The following FRY variants were observed in gnomAD, a reference collection of about 807,000 sequenced individuals.
The protein encoded by FRY is FRY microtubule binding protein.
A neutral mutation model predicts 348.4 loss-of-function variants in FRY; 128 were observed. The ratio of observed to expected loss-of-function variants is 0.37; its 90% CI spans 0.32 to 0.43. FRY has a LOEUF of 0.43. FRY is among the 20% of genes least tolerant of loss of function. The pLI, the probability that FRY is intolerant of heterozygous loss-of-function variation, is 1.00. For missense variants in FRY, 2,736 were observed against 3,695.2 expected, an observed-to-expected ratio of 0.74 and a Z score of 6.73; for synonymous variants, 1,370 against 1,374.7, an observed-to-expected ratio of 1.00 and a Z score of 0.08.
intron 47 of FRY, 150 bp from the exon 48 acceptor site, chr13:32,247,173 C>T (rs532925599): frequency 1.7e-5 from 11 of 652,756 alleles, no homozygotes; most frequent in Non-Finnish European, 2.9e-5. Context: ...CTTTTTATGT[C>T]ATTTGCCTTT....
chr13:32,094,598 A>C (rs577488384), intron 2 of FRY, among the ~76,000 whole-genome samples: 3 of 152,268 alleles, frequency 2.0e-5, no homozygotes, highest in Non-Finnish European at 4.4e-5. Context: ...CCCACAAATA[A>C]GTGAGAACAT....
chr13:32,297,146 A>C lies in FRY; in HGVS notation c.*1686A>C, dbSNP rs2072075190. The C allele has an allele frequency of 6.6e-6, 1 of 152,232 alleles. No homozygotes were observed. The highest frequency in any genetic ancestry group is 1.5e-5 in the Non-Finnish European group (1 of 68,042). The allele number at this position is 152,232 out of a possible 1,614,324, so 9.4% of individuals were successfully genotyped here. A position where few individuals can be genotyped will look rare whatever the true frequency, so the allele number is the denominator to read the frequency against. ...GAATCATTGGCAGTAATATTCTAGG[A>C]GTATTCTATAGAAGAGAGCCTAACC... On this transcript the variant is annotated 3_prime_UTR_variant, in exon 61 of 61. Coordinates refer to ENST00000542859, the MANE Select transcript of FRY (RefSeq NM_023037.3).
At chr13:32,274,424 A>AG (rs1263605079) in intron 55 of FRY, among the ~76,000 whole-genome samples, 1 of 152,056 alleles carries the variant, frequency 6.6e-6, no homozygotes, top group Non-Finnish European at 1.5e-5. Flanking sequence ...TAAAAAAATC[A>AG]GGGCCAGACG....
At position 32,179,533 on chromosome 13, in the gene FRY, G is replaced by GTT. The variant is rs1206702870; in HGVS notation, c.2872-141_2872-140insTT. 5.7e-6 allele frequency: 4 copies of GTT among 698,636 alleles called. No individual in the cohort carries two copies. In the African/African-American group the frequency reaches 7.0e-5, roughly 12 times the overall value. The allele number at this position is 698,636 out of a possible 1,614,324, so 43.3% of individuals were successfully genotyped here. A position where few individuals can be genotyped will look rare whatever the true frequency, so the allele number is the denominator to read the frequency against. On this transcript the variant is annotated intron_variant, in intron 22 of 60. Coordinates refer to ENST00000542859, the MANE Select transcript of FRY (RefSeq NM_023037.3). ...TGTGTGTGTGTGTGTGTGTGTGTGTGTGTGTGTGTTTCCTGAAATGATGGC... is the reference window on the plus strand; with the variant it reads ...TGTGTGTGTGTGTGTGTGTGTGTGTGTTTGTGTGTGTTTCCTGAAATGATGGC...
chr13:32,236,724 G>T (rs751988598), intron 43 of FRY, among the ~76,000 whole-genome samples: 6 of 151,936 alleles, frequency 3.9e-5, no homozygotes, highest in Non-Finnish European at 7.4e-5. Flanking sequence ...CATCTTGCTT[G>T]AAATTGAGTC....
intron 21 of FRY, 69 bp downstream of exon 21, chr13:32,178,505 G>T: frequency 6.6e-7 from 1 of 1,514,990 alleles, no homozygotes; most frequent in Non-Finnish European, 9.1e-7. Flanking sequence ...TTCATTTTGT[G>T]TAAGAGATTG....
intron 1 of FRY, among the ~76,000 whole-genome samples, chr13:32,049,498 G>A (rs372023103): frequency 8.5e-4 from 130 of 152,224 alleles, no homozygotes; most frequent in African/African-American, 2.8e-3. Context: ...GCAGTGGCAC[G>A]ATCTCAGCTC....
chr13:32,183,812 G>C (rs935273465), intron 24 of FRY, among the ~76,000 whole-genome samples: 15 of 148,772 alleles, frequency 1.0e-4, no homozygotes, highest in Non-Finnish European at 2.2e-4. Flanking sequence ...AGAAAAGGAG[G>C]CTTCTCATAT....
chr13:32,159,807 C>CAATT (rs1266360121), intron 16 of FRY, among the ~76,000 whole-genome samples: 15 of 152,128 alleles, frequency 9.9e-5, no homozygotes, highest in African/African-American at 3.1e-4. Flanking sequence ...TACAAATGAA[C>CAATT]AATTAGAAGA....
intron 57 of FRY, among the ~76,000 whole-genome samples, chr13:32,278,167 A>G (rs1888630089): frequency 6.6e-6 from 1 of 152,200 alleles, no homozygotes; most frequent in Admixed American, 6.5e-5. Flanking sequence ...CTAGCCATAT[A>G]TATTCATTTA....
chr13:32,178,244 A>G lies in FRY; in HGVS notation c.2489A>G (p.Asn830Ser), dbSNP rs756101182. 1.2e-6 allele frequency: 2 copies of G among 1,614,090 alleles called. No individual in the cohort carries two copies. Among genetic ancestry groups the G allele is most frequent in the South Asian group, 1.1e-5 (1 of 91,086 alleles). ...GTGGAATGGAACGCAGTCCTGGTCA[A>G]TAGCCATTATGATGTGAAAAGCCCT... ...WLVEWNAVLVNSHYDVKSPSH... is the reference protein window; with the variant it reads ...WLVEWNAVLVSSHYDVKSPSH... Residue 830 changes from asparagine (N) to serine (S), a missense_variant, in exon 21 of 61, where the codon AAT (asparagine) becomes AGT (serine). Asn to Ser is a conservative substitution (Grantham distance 46). Transcript: ENST00000542859.
intron 43 of FRY, 68 bp downstream of exon 43, chr13:32,236,240 C>A: frequency 8.5e-7 from 1 of 1,174,970 alleles, no homozygotes; most frequent in Non-Finnish European, 1.3e-6. Flanking sequence ...AGATGCTGGA[C>A]TTTAGGAAAA....
In FRY at chr13:32,227,896, T is replaced by A. The variant is rs190039036; in HGVS notation, c.5207-560T>A. Among the ~76,000 whole-genome samples, 3 of 151,948 alleles carry A rather than the reference T, an allele frequency of 2.0e-5. No homozygotes were observed. In the South Asian group the frequency reaches 6.2e-4, roughly 32 times the overall value. On this transcript the variant is annotated intron_variant, in intron 39 of 60. Transcript: ENST00000542859. ...CCTCCCGAGTAGCTGGGACTACAGG[T>A]GCCGACCACCACGCTCGGCTAATTT... is the stretch of plus-strand genomic sequence containing the variant.
At chr13:32,273,292 G>A (rs1434148215) in intron 55 of FRY, among the ~76,000 whole-genome samples, 4 of 150,578 alleles carry the variant, frequency 2.7e-5, no homozygotes, top group African/African-American at 9.8e-5. Flanking sequence ...CGCAATCTCG[G>A]CTCACTGCAG....
intron 1 of FRY, chr13:32,061,181 T>A (rs759951572): frequency 3.8e-6 from 2 of 533,000 alleles, no homozygotes; most frequent in South Asian, 2.8e-5. Context: ...TGAAAGGCTG[T>A]TAATATGTGT....
intron 33 of FRY, 152 bp from the exon 34 acceptor site, chr13:32,210,714 T>A (rs534919536): frequency 8.6e-6 from 6 of 694,012 alleles, no homozygotes; most frequent in Non-Finnish European, 1.6e-5. Context: ...TTAATCCAAG[T>A]CCTTGGTCCA....
chr13:32,071,469 G>A (rs574573704), intron 1 of FRY, among the ~76,000 whole-genome samples: 20 of 152,202 alleles, frequency 1.3e-4, no homozygotes, highest in Non-Finnish European at 2.1e-4. Flanking sequence ...TATTCTCTTT[G>A]TAGCAATTGT....
chr13:32,265,785 C>T (rs1418031841), intron 54 of FRY, among the ~76,000 whole-genome samples, 169 bp downstream of exon 54: 4 of 152,166 alleles, frequency 2.6e-5, no homozygotes, highest in African/African-American at 9.7e-5. Context: ...CATCCAATCC[C>T]ATTATAGGGC....
At chr13:32,293,644 G>C (rs549922666) in intron 59 of FRY, among the ~76,000 whole-genome samples, 6 of 152,282 alleles carry the variant, frequency 3.9e-5, no homozygotes, top group African/African-American at 1.4e-4. Flanking sequence ...AGTGACACAG[G>C]TTTTCTTAAT....
Sources: gnomAD v4.1 joint callset for allele counts (sites outside exome capture counted in the v4.1 genomes callset) on GRCh38, gnomAD v4.1.1 for gene constraint, MANE v1.5 for transcripts, NCBI Gene and HGNC (gene_info 2026-07-23, HGNC 2026-07-21) for gene names.